Variants in GPM6A observed in about 807,000 individuals in gnomAD.
The protein encoded by GPM6A is neuronal membrane glycoprotein M6-a.
A neutral mutation model predicts 32.1 loss-of-function variants in GPM6A; 7 were observed. That is an observed-to-expected ratio of 0.22 (90% CI 0.12 to 0.41). The LOEUF is 0.41. Ranked by LOEUF, GPM6A falls within the 10% of genes least tolerant of loss-of-function variation. GPM6A has a pLI of 1.00. For synonymous variants in GPM6A, 130 were observed against 123.4 expected, an observed-to-expected ratio of 1.05 and a Z score of -0.35; for missense variants, 235 against 347.2, an observed-to-expected ratio of 0.68 and a Z score of 2.57.
intron 1 of GPM6A, among the ~76,000 whole-genome samples, chr4:175,767,452 C>A (rs1560922261): frequency 6.6e-6 from 1 of 152,208 alleles, no homozygotes; most frequent in African/African-American, 2.4e-5. Context: ...AAACCCCTGA[C>A]TGGGCAGCTT....
At chr4:175,734,466 G>A (rs569442565) in intron 1 of GPM6A, among the ~76,000 whole-genome samples, 21 of 152,162 alleles carry the variant, frequency 1.4e-4, no homozygotes, top group African/African-American at 3.9e-4. Context: ...GATGTTGGGT[G>A]GCTGACATGG....
upstream of GPM6A, among the ~76,000 whole-genome samples, chr4:175,817,084 T>TTTGAGA (rs1309077771): frequency 6.6e-6 from 1 of 152,090 alleles, no homozygotes; most frequent in Non-Finnish European, 1.5e-5. Flanking sequence ...GGTCTCGATC[T>TTTGAGA]CCTGACTTCG....
At chr4:175,733,808 G>A (rs1295459380) in intron 1 of GPM6A, among the ~76,000 whole-genome samples, 1 of 152,120 alleles carries the variant, frequency 6.6e-6, no homozygotes, top group Non-Finnish European at 1.5e-5. Flanking sequence ...CACAGCATAG[G>A]CGCTTAGCCA....
intron 1 of GPM6A, among the ~76,000 whole-genome samples, chr4:175,841,471 G>A (rs1443409456): frequency 2.0e-5 from 3 of 152,046 alleles, no homozygotes; most frequent in Non-Finnish European, 4.4e-5. Context: ...AAAGATTAGT[G>A]TTTTTATTTG....
chr4:175,748,722 C>T (rs1490748471), intron 1 of GPM6A, among the ~76,000 whole-genome samples: 1 of 152,124 alleles, frequency 6.6e-6, no homozygotes, highest in Non-Finnish European at 1.5e-5. Context: ...AGAGAGTCAG[C>T]CTGTCCTTTG....
At chr4:175,756,355 G>A (rs1475761982) in intron 1 of GPM6A, among the ~76,000 whole-genome samples, 1 of 152,112 alleles carries the variant, frequency 6.6e-6, no homozygotes, top group African/African-American at 2.4e-5. Flanking sequence ...ACACAGTTCA[G>A]TAAAGGAATG....
At chr4:175,661,083 A>C (rs912566947) in intron 3 of GPM6A, among the ~76,000 whole-genome samples, 2 of 152,232 alleles carry the variant, frequency 1.3e-5, no homozygotes, top group African/African-American at 4.8e-5. Flanking sequence ...ATAAATGTAT[A>C]TATAACTCTG....
intron 1 of GPM6A, among the ~76,000 whole-genome samples, chr4:175,977,278 G>A (rs1007494146): frequency 6.6e-6 from 1 of 152,166 alleles, no homozygotes; most frequent in Admixed American, 6.5e-5. Flanking sequence ...CACACCTTTA[G>A]TATTCCTACA....
At chr4:175,901,802 T>A (rs1311915558) in intron 1 of GPM6A, among the ~76,000 whole-genome samples, 2 of 151,738 alleles carry the variant, frequency 1.3e-5, no homozygotes, top group Non-Finnish European at 2.9e-5. Flanking sequence ...AATTTTTGTA[T>A]TTTTTAGTAG....
intron 1 of GPM6A, among the ~76,000 whole-genome samples, chr4:175,943,230 T>C (rs1008569693): frequency 3.3e-5 from 5 of 152,234 alleles, no homozygotes; most frequent in African/African-American, 1.2e-4. Context: ...TACATTGATT[T>C]TGTATCCTGA....
intron 3 of GPM6A, among the ~76,000 whole-genome samples, chr4:175,659,305 C>T (rs1742268725): frequency 6.6e-6 from 1 of 152,010 alleles, no homozygotes. Context: ...GTCACAAACT[C>T]CTGAGCTCAG....
At chr4:175,659,689 C>T (rs1442375967) in intron 3 of GPM6A, among the ~76,000 whole-genome samples, 1 of 152,084 alleles carries the variant, frequency 6.6e-6, no homozygotes, top group Non-Finnish European at 1.5e-5. Flanking sequence ...TATTTTATTA[C>T]CAGTTAAAAT....
rs540935434 is a variant in GPM6A at position 175,760,153 on chromosome 4, G to A, written c.37+52038C>T. Among the ~76,000 whole-genome samples the A allele has an allele frequency of 1.1e-3, 165 of 152,206 alleles. 1 individual carries two copies. Among genetic ancestry groups the A allele is most frequent in the African/African-American group, 3.7e-3 (155 of 41,524 alleles). ...ATCACTCCGCTATACTCCAGCCTGGGTAGCAGAGTGAGACTCCGTCTCAAC... is the reference window on the plus strand; with the variant it reads ...ATCACTCCGCTATACTCCAGCCTGGATAGCAGAGTGAGACTCCGTCTCAAC... On this transcript the variant is annotated intron_variant, in intron 1 of 6. Coordinates refer to ENST00000393658, the MANE Select transcript of GPM6A (RefSeq NM_201591.3).
rs972692268 is a variant in GPM6A, at chr4:175,640,264, T to C, written c.619-70A>G. 5.8e-6 allele frequency: 7 copies of C among 1,213,960 alleles called. No individual in the cohort carries two copies. The African/African-American group carries it at 5.9e-5, about 10-fold the overall frequency. 75.2% of individuals were successfully genotyped at this position (1,213,960 alleles called of 1,614,324 possible). A position where few individuals can be genotyped will look rare whatever the true frequency, so the allele number is the denominator to read the frequency against. Reference sequence around the variant, plus strand: ...GTAGAAGAGAAGTCAAGATTGCTACTGTCTTATAAACAAGACTTTGTACAT... The same window carrying C: ...GTAGAAGAGAAGTCAAGATTGCTACCGTCTTATAAACAAGACTTTGTACAT... On this transcript the variant is annotated intron_variant, in intron 5 of 6. Coordinates refer to ENST00000393658, the MANE Select transcript of GPM6A (RefSeq NM_201591.3).
intron 1 of GPM6A, among the ~76,000 whole-genome samples, chr4:175,809,043 C>T (rs1020607154): frequency 6.6e-6 from 1 of 152,176 alleles, no homozygotes. Context: ...GCAAGGCCTT[C>T]ATTAGGGCTG....
chr4:175,747,877 TTC>T (rs1157883645), intron 1 of GPM6A, among the ~76,000 whole-genome samples: 1 of 152,078 alleles, frequency 6.6e-6, no homozygotes, highest in Non-Finnish European at 1.5e-5. Flanking sequence ...CCCATCAAAC[TTC>T]TTTCAAAATT....
intron 1 of GPM6A, among the ~76,000 whole-genome samples, chr4:175,799,721 G>A (rs907181314): frequency 8.5e-6 from 1 of 117,104 alleles, no homozygotes; most frequent in Non-Finnish European, 1.8e-5. Context: ...AGGCCGGACT[G>A]CGGACTGCAG....
intron 1 of GPM6A, among the ~76,000 whole-genome samples, chr4:175,946,095 G>C (rs745892825): frequency 3.9e-5 from 6 of 151,990 alleles, no homozygotes; most frequent in East Asian, 1.9e-4. Flanking sequence ...GTATATCCAC[G>C]TAACAAAACA....
At chr4:175,767,986 T>C (rs533908154) in intron 1 of GPM6A, among the ~76,000 whole-genome samples, 1 of 152,322 alleles carries the variant, frequency 6.6e-6, no homozygotes, top group East Asian at 1.9e-4. Context: ...TTCAGAGATT[T>C]AGAGGCTGCT....
Sources: gnomAD v4.1 joint callset for allele counts (sites outside exome capture counted in the v4.1 genomes callset) on GRCh38, gnomAD v4.1.1 for gene constraint, MANE v1.5 for transcripts, NCBI Gene and HGNC (gene_info 2026-07-23, HGNC 2026-07-21) for gene names.